TELO2: variants seen among roughly 807,000 people sequenced by gnomAD.
The protein encoded by TELO2 is telomere length regulation protein TEL2 homolog.
TELO2 carries 71 observed loss-of-function variants against 91.0 expected under a neutral mutation model. The observed-to-expected ratio is 0.78, with a 90% confidence interval of 0.64 to 0.95. The LOEUF is 0.95. Ranked by LOEUF, TELO2 falls within the 40% of genes least tolerant of loss-of-function variation. The probability of loss-of-function intolerance (pLI) is 0.00; values close to 1 mark genes in which losing one functional copy is unlikely to be tolerated. For missense variants in TELO2, 1,183 were observed against 1,141.3 expected, an observed-to-expected ratio of 1.04 and a Z score of -0.53; for synonymous variants, 584 against 518.9, an observed-to-expected ratio of 1.13 and a Z score of -1.71.
chr16:1,495,621 A>G lies in TELO2; in HGVS notation c.611A>G (p.Gln204Arg), dbSNP rs1421931424. Residue 204 changes from glutamine to arginine, a missense_variant and splice_region_variant, in exon 3 of 21, where the codon CAA becomes CGA. Transcript: ENST00000262319. ...CTGCAGGCGGTTGTGGACTCTCTCC[A>G]AGGTGAGGCCCTGCCTCGGGGACCC... Reference protein sequence around the residue: ...RVLQAVVDSLQGGLDSSVSFV... With the variant: ...RVLQAVVDSLRGGLDSSVSFV... 1 of 1,589,188 alleles carries G rather than the reference A, an allele frequency of 6.3e-7. No individual in the cohort carries two copies. Among genetic ancestry groups the G allele is most frequent in the Non-Finnish European group, 8.6e-7 (1 of 1,163,362 alleles).
Position 1,507,701 on chromosome 16 carries a change from C to T in TELO2, c.2392C>T (p.Arg798Trp), listed in dbSNP as rs140286302. ...CCTGATGGACGAGCTGCTGGAAGCCCGGTCCTGGCTGGCGGGTGAGTGTCG... is the reference window on the plus strand; with the variant it reads ...CCTGATGGACGAGCTGCTGGAAGCCTGGTCCTGGCTGGCGGGTGAGTGTCG... ...EDLMDELLEA[R>W]SWLADVAEKD... is the part of the protein sequence containing the mutation. The change falls in exon 20 of 21, where the codon CGG becomes TGG. Residue 798 changes from arginine to tryptophan, a missense_variant. Physicochemically the swap from Arg to Trp is moderately radical, Grantham distance 101 (BLOSUM62 -3). Transcript: ENST00000262319. 668 of 1,603,888 alleles carry T rather than the reference C, an allele frequency of 4.2e-4. 1 individual carries two copies. The highest frequency in any genetic ancestry group is 5.5e-4 in the Non-Finnish European group (644 of 1,179,646).
chr16:1,509,547 G>A (rs1184095114), intron 20 of TELO2, among the ~76,000 whole-genome samples: 1 of 152,262 alleles, frequency 6.6e-6, no homozygotes, highest in Non-Finnish European at 1.5e-5. Flanking sequence ...GGCCCTGCTG[G>A]TGTTCCCGGG....
intron 15 of TELO2, among the ~76,000 whole-genome samples, chr16:1,504,430 T>A (rs2039811107): frequency 7.8e-5 from 4 of 51,534 alleles, no homozygotes; most frequent in Non-Finnish European, 9.0e-5. Flanking sequence ...CGAGACTCCA[T>A]CTCAAAAAAA....
chr16:1,508,210 G>A (rs2039979445), intron 20 of TELO2, among the ~76,000 whole-genome samples: 1 of 152,144 alleles, frequency 6.6e-6, no homozygotes, highest in African/African-American at 2.4e-5. Flanking sequence ...TTGGCTCACT[G>A]CGACCTCCGC....
At position 1,499,467 on chromosome 16, in the gene TELO2, G is replaced by C. The variant is rs1015632254; in HGVS notation, c.933+134G>C. The C allele has an allele frequency of 4.2e-6, 4 of 948,406 alleles. No homozygotes were observed. The African/African-American group carries it at 4.8e-5, about 11-fold the overall frequency. 58.7% of individuals were successfully genotyped at this position (948,406 alleles called of 1,614,324 possible). On this transcript the variant is annotated intron_variant, in intron 6 of 20. Coordinates refer to ENST00000262319, the MANE Select transcript of TELO2 (RefSeq NM_016111.4). ...ATTTGGCAGTGGCTGGCAGGAGTTG[G>C]CGAGGCGGTGGGTGCCTCCCTGCCC...
At chr16:1,499,473 CG>C in intron 6 of TELO2, 140 bp downstream of exon 6, 1 of 844,520 alleles carries the variant, frequency 1.2e-6, no homozygotes, top group Non-Finnish European at 1.9e-6. Context: ...GTTGGCGAGG[CG>C]GTGGGTGCCT....
chr16:1,501,984 C>G, intron 11 of TELO2, 63 bp from the exon 12 acceptor site: 1 of 1,604,004 alleles, frequency 6.2e-7, no homozygotes. Context: ...GGGGCTGGCT[C>G]TGCCGTTGGG....
intron 20 of TELO2, among the ~76,000 whole-genome samples, 180 bp downstream of exon 20, chr16:1,507,896 T>G (rs1395536278): frequency 1.1e-5 from 1 of 89,242 alleles, no homozygotes; most frequent in Non-Finnish European, 2.1e-5. Flanking sequence ...GTGTGTGTGA[T>G]GTGTGTCGGC....
chr16:1,497,865 G>C lies in TELO2; in HGVS notation c.830+357G>C, dbSNP rs2039550221. On this transcript the variant is annotated intron_variant, in intron 5 of 20. Coordinates refer to ENST00000262319, the MANE Select transcript of TELO2 (RefSeq NM_016111.4). The surrounding 1 kb of genome is among the most constrained non-coding windows in gnomAD (Gnocchi z 4.0). ...CGGTGACTCACTTCCCCACGTCTTT[G>C]TGCAGGAGAATCAAGGTTGCATTTC... Among the ~76,000 whole-genome samples the C allele has an allele frequency of 6.6e-6, 1 of 152,096 alleles. No homozygotes were observed. The highest frequency in any genetic ancestry group is 1.5e-5 in the Non-Finnish European group (1 of 68,026).
intron 20 of TELO2, among the ~76,000 whole-genome samples, chr16:1,508,092 C>T (rs369519993): frequency 5.3e-5 from 8 of 152,118 alleles, no homozygotes; most frequent in African/African-American, 9.7e-5. Context: ...CCCGCCCACC[C>T]GCCTCCCTGG....
chr16:1,501,926 G>C, intron 11 of TELO2, 121 bp from the exon 12 acceptor site: 1 of 1,484,496 alleles, frequency 6.7e-7, no homozygotes, highest in Non-Finnish European at 9.3e-7. Flanking sequence ...CAGCTCCACC[G>C]TAGGCGCAGG....
Position 1,498,118 on chromosome 16 carries a change from G to C in TELO2, c.830+610G>C, listed in dbSNP as rs570917866. Among the ~76,000 whole-genome samples, 25 of 151,628 alleles carry C rather than the reference G, an allele frequency of 1.6e-4. No individual in the cohort carries two copies. The South Asian group carries it at 5.2e-3, about 32-fold the overall frequency. On this transcript the variant is annotated intron_variant, in intron 5 of 20. Coordinates refer to ENST00000262319, the MANE Select transcript of TELO2 (RefSeq NM_016111.4). ...CAACCTCCGTCTCCTGGGTTCAAGT[G>C]ATTCTCCTGCCTCAGCCTCCTGAGT... is the stretch of plus-strand genomic sequence containing the variant.
Position 1,493,933 on chromosome 16 carries a change from G to A in TELO2, c.-36-313G>A, listed in dbSNP as rs2039389031. ...CGCGTGGGGCCGCGCTGTGCCCGGG[G>A]AACACTCACCAGCATCTCTAGCCTC... On this transcript the variant is annotated intron_variant, in intron 1 of 20. Coordinates refer to ENST00000262319, the MANE Select transcript of TELO2 (RefSeq NM_016111.4). This position sits in a 1 kb window ranked among gnomAD's most constrained non-coding sequence, Gnocchi z 4.3. 6.6e-6 allele frequency among the ~76,000 whole-genome samples: 1 copy of A among 152,220 alleles called. No homozygotes were observed.
At chr16:1,509,780 A>G (rs1380740252) in intron 20 of TELO2, 50 bp from the exon 21 acceptor site, 2 of 1,489,270 alleles carry the variant, frequency 1.3e-6, no homozygotes, top group African/African-American at 2.8e-5. Context: ...GAGGAGGGAG[A>G]ATACGCCCTC....
Position 1,497,328 on chromosome 16 carries a change from C to T in TELO2, c.683-33C>T, listed in dbSNP as rs756788423. The T allele has an allele frequency of 2.0e-6, 3 of 1,520,676 alleles. No homozygotes were observed. Among genetic ancestry groups the T allele is most frequent in the South Asian group, 1.2e-5 (1 of 80,374 alleles). 94.2% of individuals were successfully genotyped at this position (1,520,676 alleles called of 1,614,324 possible). A position where few individuals can be genotyped will look rare whatever the true frequency, so the allele number is the denominator to read the frequency against. On this transcript the variant is annotated intron_variant, in intron 4 of 20. Transcript: ENST00000262319. The surrounding 1 kb of genome is among the most constrained non-coding windows in gnomAD (Gnocchi z 4.0). ...CCCCAGACACCAGGTGGGTGCAGCT[C>T]CCCAGGCTCAGGTCCTCCGTCTGTC...
At position 1,510,078 on chromosome 16, in the gene TELO2, C is replaced by T. The variant is rs2040081709; in HGVS notation, c.*142C>T. 1.5e-6 allele frequency: 1 copy of T among 673,938 alleles called. No individual in the cohort carries two copies. The highest frequency in any genetic ancestry group is 2.5e-6 in the Non-Finnish European group (1 of 400,340). 41.7% of individuals were successfully genotyped at this position (673,938 alleles called of 1,614,324 possible). A position where few individuals can be genotyped will look rare whatever the true frequency, so the allele number is the denominator to read the frequency against. On this transcript the variant is annotated 3_prime_UTR_variant, in exon 21 of 21. Transcript: ENST00000262319. ...ACGGAGAGTGCAGATGCAGGAAGGC[C>T]CGGCCTGCCGCTATTTATAGTGCAG...
rs767229269 is a variant in TELO2, at chr16:1,495,532, G to A, written c.522G>A (p.Glu174=). The A allele has an allele frequency of 4.3e-6, 7 of 1,611,574 alleles. No homozygotes were observed. Among genetic ancestry groups the A allele is most frequent in the East Asian group, 4.5e-5 (2 of 44,892 alleles). ...PDHLGNRLQQ[E]NLAEFFPQNY... is the part of the protein sequence containing the mutation. Reference sequence around the variant, plus strand: ...ACCTGGGCAACCGCCTGCAGCAGGAGAACTTGGCCGAGTTCTTCCCCCAGA... The same window carrying A: ...ACCTGGGCAACCGCCTGCAGCAGGAAAACTTGGCCGAGTTCTTCCCCCAGA... Residue 174 remains glutamate, a synonymous_variant, in exon 3 of 21, where the codon GAG becomes GAA. Transcript: ENST00000262319.
chr16:1,500,065 C>T, intron 6 of TELO2, 31 bp from the exon 7 acceptor site: 1 of 1,597,210 alleles, frequency 6.3e-7, no homozygotes. Flanking sequence ...GCGGCCTCAG[C>T]CCAGTGGACA....
Position 1,502,393 on chromosome 16 carries a change from G to T in TELO2, c.1642G>T (p.Ala548Ser). Residue 548 changes from alanine to serine, a missense_variant, in exon 13 of 21, where the codon GCC (alanine) becomes TCC (serine). Physicochemically the swap from Ala to Ser is moderately conservative, Grantham distance 99. Transcript: ENST00000262319. Reference protein sequence around the residue: ...LEGLVYRSPTATREVSVELAK... With the variant: ...LEGLVYRSPTSTREVSVELAK... ...GGGCCTGGTCTACAGGAGCCCCACA[G>T]CCACTCGGGAGGTGAGTGGGGGGCG... 6.3e-7 allele frequency: 1 copy of T among 1,598,588 alleles called. No individual in the cohort carries two copies.
Sources: allele counts gnomAD v4.1 joint callset (sites outside exome capture counted in the v4.1 genomes callset), GRCh38; gene constraint gnomAD v4.1.1; non-coding constraint Gnocchi (gnomAD v3.1); transcripts MANE v1.5; gene names NCBI Gene and HGNC (gene_info 2026-07-23, HGNC 2026-07-21).